The following FAM83C variants were observed in gnomAD, a reference collection of about 807,000 sequenced individuals.
FAM83C encodes the protein protein FAM83C.
In FAM83C, 23 loss-of-function variants were observed where a neutral mutation model predicts 27.1. The observed-to-expected ratio is 0.85, with a 90% confidence interval of 0.61 to 1.20. The LOEUF (loss-of-function observed/expected upper bound fraction) is 1.20. Among genes scored for constraint, FAM83C ranks in the 50% most tolerant of loss-of-function variants. The pLI is 0.00. For synonymous variants in FAM83C, 426 were observed against 423.1 expected (o/e 1.01, Z -0.09); for missense variants, 984 against 1,001.3 (o/e 0.98, Z 0.23).
chr20:35,288,332 C>A, intron 3 of FAM83C, 129 bp downstream of exon 3: 1 of 1,506,890 alleles, frequency 6.6e-7, no homozygotes, highest in Non-Finnish European at 8.9e-7. Flanking sequence ...TCCCCTGAGC[C>A]TGGCATGATG....
intron 1 of FAM83C, among the ~76,000 whole-genome samples, chr20:35,291,578 G>C (rs1207539911): frequency 1.3e-5 from 2 of 152,338 alleles, no homozygotes; most frequent in Non-Finnish European, 2.9e-5. Context: ...CCCATGCCCT[G>C]TTCTATGCTC....
rs1252551500 is a variant in FAM83C at position 35,288,891 on chromosome 20, C to T, written c.581G>A (p.Ser194Asn). The part of the protein sequence containing the change: ...ELLCDLMEAS[S>N]RRGVPVYLLL... ...CAGGTACACAGGGACACCACGCCGG[C>T]TTGAGGCCTCCATGAGGTCACACAG... is the stretch of plus-strand genomic sequence containing the variant. The change falls in exon 2 of 4, where the codon AGC (serine) becomes AAC (asparagine). Residue 194 changes from serine to asparagine, a missense_variant. Physicochemically the swap from Ser to Asn is conservative, Grantham distance 46. Coordinates refer to ENST00000374408, the MANE Select transcript of FAM83C (RefSeq NM_178468.6). The T allele has an allele frequency of 2.5e-6, 4 of 1,614,054 alleles. No individual in the cohort carries two copies. Among genetic ancestry groups the T allele is most frequent in the Non-Finnish European group, 3.4e-6 (4 of 1,180,040 alleles).
chr20:35,285,911 A>G lies in FAM83C; in HGVS notation c.*624T>C, dbSNP rs567888364. The G allele has an allele frequency of 3.7e-3, 569 of 154,666 alleles. No individual in the cohort carries two copies. Among genetic ancestry groups the G allele is most frequent in the Non-Finnish European group, 5.0e-3 (351 of 70,126 alleles). 9.6% of individuals were successfully genotyped at this position (154,666 alleles called of 1,614,324 possible). A position where few individuals can be genotyped will look rare whatever the true frequency, so the allele number is the denominator to read the frequency against. On this transcript the variant is annotated 3_prime_UTR_variant, in exon 4 of 4. Transcript: ENST00000374408. ...ACTCAGCAAGATGATGACGACGACA[A>G]TGATGATGATGATAATGATGATGTG...
In FAM83C at chr20:35,286,337, A is replaced by G; in HGVS notation, c.*198T>C. ...AGGGCTGGAAACACAGCCTAGATTC[A>G]AGAAGATACTAGTTAGGGTGTGTGT... On this transcript the variant is annotated 3_prime_UTR_variant, in exon 4 of 4. Transcript: ENST00000374408. The G allele has an allele frequency of 1.7e-6, 1 of 587,542 alleles. No individual in the cohort carries two copies. Among genetic ancestry groups the G allele is most frequent in the Non-Finnish European group, 2.9e-6 (1 of 339,478 alleles). 36.4% of individuals were successfully genotyped at this position (587,542 alleles called of 1,614,324 possible). A position where few individuals can be genotyped will look rare whatever the true frequency, so the allele number is the denominator to read the frequency against.
chr20:35,288,097 T>C, intron 3 of FAM83C, 125 bp from the exon 4 acceptor site: 2 of 849,888 alleles, frequency 2.4e-6, no homozygotes, highest in Admixed American at 2.7e-5. Flanking sequence ...CCACGAGGGC[T>C]CACAGCGAGG....
rs765952343 is a variant in FAM83C, at chr20:35,292,083, G to A, written c.222C>T (p.Ser74=). ...TGGTCATGTAGTCCACATCCAGGGC[G>A]CTCAGGAAGGGCAGCTCCCGCTCCT... ...ISEERELPFL[S]ALDVDYMTSH... is the part of the protein sequence containing the mutation. Residue 74 remains serine (S), a synonymous_variant, in exon 1 of 4, where the codon AGC becomes AGT. Transcript: ENST00000374408. 8 of 1,609,252 alleles carry A rather than the reference G, an allele frequency of 5.0e-6. No homozygotes were observed. The highest frequency in any genetic ancestry group is 3.3e-5 in the South Asian group (3 of 91,088).
Position 35,287,064 on chromosome 20 carries a change from G to C in FAM83C, c.1715C>G (p.Ser572Cys). The change falls in exon 4 of 4, where the codon TCC (serine) becomes TGC (cysteine). Residue 572 changes from serine (S) to cysteine (C), a missense_variant. Coordinates refer to ENST00000374408, the MANE Select transcript of FAM83C (RefSeq NM_178468.6). ...CAGGGCCCGATCACCAGGTCTGAGG[G>C]AACCCAACTCAGGGGCACCCCCAGT... ...LGTGGAPELGSLRPGDRALED... is the reference protein window; with the variant it reads ...LGTGGAPELGCLRPGDRALED... 1 of 1,604,816 alleles carries C rather than the reference G, an allele frequency of 6.2e-7. No individual in the cohort carries two copies. The highest frequency in any genetic ancestry group is 8.5e-7 in the Non-Finnish European group (1 of 1,179,950).
chr20:35,292,107 C>T lies in FAM83C; in HGVS notation c.198G>A (p.Glu66=). ...CGCTCAGGAAGGGCAGCTCCCGCTC[C>T]TCGGAGATGACCCGCAGGTAGGCAG... ...GEAAYLRVIS[E]ERELPFLSAL... Residue 66 remains glutamate, a synonymous_variant, in exon 1 of 4, where the codon GAG becomes GAA. Coordinates refer to ENST00000374408, the MANE Select transcript of FAM83C (RefSeq NM_178468.6). 6.2e-7 allele frequency: 1 copy of T among 1,605,306 alleles called. No individual in the cohort carries two copies. The highest frequency in any genetic ancestry group is 8.5e-7 in the Non-Finnish European group (1 of 1,179,858).
chr20:35,287,779 C>T lies in FAM83C; in HGVS notation c.1000G>A (p.Asp334Asn), dbSNP rs778215095. Residue 334 changes from aspartate (D) to asparagine (N), a missense_variant, in exon 4 of 4, where the codon GAT becomes AAT. Asp to Asn is a conservative substitution (Grantham distance 23, BLOSUM62 1). Coordinates refer to ENST00000374408, the MANE Select transcript of FAM83C (RefSeq NM_178468.6). ...AGGGACGACGTGGGGCTTGGGACAT[C>T]AGGCCTGAAGGCTAGGGCCACAGGG... ...PPPVALAFRP[D>N]VPSPTSSLPS... 7 of 1,610,402 alleles carry T rather than the reference C, an allele frequency of 4.3e-6. No homozygotes were observed. In the Admixed American group the frequency reaches 1.2e-4, roughly 27 times the overall value.
intron 1 of FAM83C, 53 bp downstream of exon 1, chr20:35,291,739 G>A (rs2060847336): frequency 6.2e-7 from 1 of 1,605,454 alleles, no homozygotes; most frequent in Admixed American, 1.7e-5. Context: ...TTCCCTCTCT[G>A]GACCTCAGTT....
Position 35,288,977 on chromosome 20 carries a change from A to T in FAM83C, c.514-19T>A. ...CCACCACCTGGGTGGGGGGAGGCAC[A>T]CGAAAGCTCAGCGCTGCCCAGGGCA... On this transcript the variant is annotated intron_variant, in intron 1 of 3. Coordinates refer to ENST00000374408, the MANE Select transcript of FAM83C (RefSeq NM_178468.6). 1 of 1,610,170 alleles carries T rather than the reference A, an allele frequency of 6.2e-7. No homozygotes were observed. Among genetic ancestry groups the T allele is most frequent in the Non-Finnish European group, 8.5e-7 (1 of 1,177,916 alleles).
chr20:35,286,551 C>T lies in FAM83C; in HGVS notation c.2228G>A (p.Ser743Asn), dbSNP rs938421169. The change falls in exon 4 of 4, where the codon AGC becomes AAC. Residue 743 changes from serine (S) to asparagine (N), a missense_variant. Ser to Asn is a conservative substitution (Grantham distance 46). Coordinates refer to ENST00000374408, the MANE Select transcript of FAM83C (RefSeq NM_178468.6). ...GTCCTTTGGCTAGGACTCAAAGCGG[C>T]TTCGGAGCTGCTTGAACTTGGACTT... is the stretch of plus-strand genomic sequence containing the variant. ...YNKSKFKQLR[S>N]RFES is the part of the protein sequence containing the mutation. 3 of 1,611,808 alleles carry T rather than the reference C, an allele frequency of 1.9e-6. No homozygotes were observed. Among genetic ancestry groups the T allele is most frequent in the African/African-American group, 1.3e-5 (1 of 75,016 alleles).
In FAM83C at chr20:35,288,459, A is replaced by G. The variant is rs1600831933; in HGVS notation, c.806+2T>C. 6.2e-7 allele frequency: 1 copy of G among 1,613,716 alleles called. No homozygotes were observed. The highest frequency in any genetic ancestry group is 1.7e-5 in the Admixed American group (1 of 59,986). Reference sequence around the variant, plus strand: ...CCCCCTTGCCTCCTCGTGCCTGCTCACCTGTAACTGCCCGCCACCACTTGC... The same window carrying G: ...CCCCCTTGCCTCCTCGTGCCTGCTCGCCTGTAACTGCCCGCCACCACTTGC... On this transcript the variant is annotated splice_donor_variant, in intron 3 of 3. Coordinates refer to ENST00000374408, the MANE Select transcript of FAM83C (RefSeq NM_178468.6). LOFTEE classifies it high-confidence loss of function.
Position 35,288,958 on chromosome 20 carries a change from C to T in FAM83C, c.514G>A (p.Val172Met), listed in dbSNP as rs199985744. Residue 172 changes from valine (V) to methionine (M), a missense_variant and splice_region_variant, in exon 2 of 4, where the codon GTG (valine) becomes ATG (methionine). By Grantham distance (21) the Val-to-Met change is conservative. Transcript: ENST00000374408. Reference protein sequence around the residue: ...LRFLFSQAHTVVAVVMDIFTD... With the variant: ...LRFLFSQAHTMVAVVMDIFTD... ...AATATGTCCATCACCACAGCCACCA[C>T]CTGGGTGGGGGGAGGCACACGAAAG... The T allele has an allele frequency of 5.2e-5, 84 of 1,612,698 alleles. No individual in the cohort carries two copies. In the African/African-American group the frequency reaches 1.0e-3, roughly 20 times the overall value.
In FAM83C at chr20:35,287,016, T is replaced by C; in HGVS notation, c.1763A>G (p.Asn588Ser). The change falls in exon 4 of 4, where the codon AAC becomes AGC. Residue 588 changes from asparagine to serine, a missense_variant. Physicochemically the swap from Asn to Ser is conservative, Grantham distance 46. Coordinates refer to ENST00000374408, the MANE Select transcript of FAM83C (RefSeq NM_178468.6). ...RALEDRRLSL[N>S]QSRGQSDLLM... ...GAGGTCTGATTGGCCACGGCTTTGGTTTAGGGACAGCCTCCTGTCCTCCAG... is the reference window on the plus strand; with the variant it reads ...GAGGTCTGATTGGCCACGGCTTTGGCTTAGGGACAGCCTCCTGTCCTCCAG... The C allele has an allele frequency of 6.2e-7, 1 of 1,607,958 alleles. No individual in the cohort carries two copies. Among genetic ancestry groups the C allele is most frequent in the Non-Finnish European group, 8.5e-7 (1 of 1,179,976 alleles).
chr20:35,287,828 C>T lies in FAM83C; in HGVS notation c.951G>A (p.Leu317=), dbSNP rs150172002. 40 of 1,575,046 alleles carry T rather than the reference C, an allele frequency of 2.5e-5. No homozygotes were observed. Among genetic ancestry groups the T allele is most frequent in the Admixed American group, 7.3e-5 (4 of 54,678 alleles). The change falls in exon 4 of 4, where the codon CTG becomes CTA. Residue 317 remains leucine, a synonymous_variant. Coordinates refer to ENST00000374408, the MANE Select transcript of FAM83C (RefSeq NM_178468.6). ...VEGFCGGEDP[L]SPRALRPPPV... is the part of the protein sequence containing the mutation. The stretch of plus-strand genomic sequence containing the variant: ...GGGGAGGACGCAGTGCCCGGGGAGA[C>T]AGCGGGTCCTCACCGCCACAGAAGC...
chr20:35,288,128 G>A (rs1274616227), intron 3 of FAM83C, among the ~76,000 whole-genome samples, 156 bp from the exon 4 acceptor site: 1 of 126,816 alleles, frequency 7.9e-6, no homozygotes. Context: ...CAACTCCAGA[G>A]TCTGTGCTTG....
chr20:35,292,213 C>T lies in FAM83C; in HGVS notation c.92G>A (p.Trp31Ter). The T allele has an allele frequency of 1.3e-6, 2 of 1,591,408 alleles. No homozygotes were observed. The highest frequency in any genetic ancestry group is 2.2e-5 in the South Asian group (2 of 90,266). ...CAGCACCAGCGGTGAGCTCTCCCGC[C>T]ACCACGGCAGCTTCAGCTCTTCCAC... ...GRVEELKLPW[W>*]RESSPLVLRH... Residue 31 changes from tryptophan (W) to a stop codon, truncating the protein, a stop_gained, in exon 1 of 4, where the codon TGG becomes TAG. Coordinates refer to ENST00000374408, the MANE Select transcript of FAM83C (RefSeq NM_178468.6). LOFTEE classifies it high-confidence loss of function.
In FAM83C at chr20:35,291,913, C is replaced by A; in HGVS notation, c.392G>T (p.Gly131Val). ...TGTGGCCTGTGGCACCTCGGGCCAG[C>A]CCAGGTCCAGGTCTGGGGGGTCTAT... ...SDIDPPDLDL[G>V]WPEVPQATGF... The change falls in exon 1 of 4, where the codon GGC (glycine) becomes GTC (valine). Residue 131 changes from glycine to valine, a missense_variant. Gly to Val is a moderately radical substitution (Grantham distance 109, BLOSUM62 -3). Coordinates refer to ENST00000374408, the MANE Select transcript of FAM83C (RefSeq NM_178468.6). The A allele has an allele frequency of 6.2e-7, 1 of 1,612,810 alleles. No homozygotes were observed. The highest frequency in any genetic ancestry group is 8.5e-7 in the Non-Finnish European group (1 of 1,178,974).
Sources: gnomAD v4.1 joint callset for allele counts (sites outside exome capture counted in the v4.1 genomes callset) on GRCh38, gnomAD v4.1.1 for gene constraint, MANE v1.5 for transcripts, NCBI Gene and HGNC (gene_info 2026-07-23, HGNC 2026-07-21) for gene names.